The following PKHD1 variants were observed in gnomAD, a reference collection of about 807,000 sequenced individuals.
The protein encoded by PKHD1 is fibrocystin.
In PKHD1, 291 loss-of-function variants were observed where a neutral mutation model predicts 412.0. The observed-to-expected ratio is 0.71, with a 90% CI of 0.64 to 0.78. The LOEUF is 0.78. Among genes scored for constraint, PKHD1 ranks in the 30% least tolerant of loss-of-function variants. The probability of loss-of-function intolerance (pLI) is 0.00; values close to 1 mark genes in which losing one functional copy is unlikely to be tolerated. For synonymous variants in PKHD1, 1,777 were observed against 1,821.5 expected (o/e 0.98, Z 0.62); for missense variants, 4,825 against 4,950.7 (o/e 0.97, Z 0.76).
In PKHD1 at chr6:51,638,953, C is replaced by T; in HGVS notation, c.11402G>A (p.Cys3801Tyr). 6.2e-7 allele frequency: 1 copy of T among 1,610,578 alleles called. No individual in the cohort carries two copies. Among genetic ancestry groups the T allele is most frequent in the Non-Finnish European group, 8.5e-7 (1 of 1,176,840 alleles). ...ACCATCTTGAGTTTCTGCCTGGGTG[C>T]ACCCTACAAAAAAGTACAAAACAAA... is the stretch of plus-strand genomic sequence containing the variant. ...EGASDSVLKG[C>Y]TQAETQDGYV... The change falls in exon 64 of 67, where the codon TGC becomes TAC. Residue 3801 changes from cysteine (C) to tyrosine (Y), a missense_variant. Cys to Tyr is a radical substitution (Grantham distance 194). Coordinates refer to ENST00000371117, the MANE Select transcript of PKHD1 (RefSeq NM_138694.4).
chr6:52,075,103 C>A (rs149594869), intron 6 of PKHD1, among the ~76,000 whole-genome samples: 1 of 152,230 alleles, frequency 6.6e-6, no homozygotes, highest in Non-Finnish European at 1.5e-5. Context: ...GTGATTTTCA[C>A]AGACCACATC....
At chr6:51,638,228 G>A (rs994840456) in intron 64 of PKHD1, among the ~76,000 whole-genome samples, 8 of 152,044 alleles carry the variant, frequency 5.3e-5, no homozygotes, top group African/African-American at 9.7e-5. Context: ...CTGGCTATAC[G>A]ATCACTATCT....
rs1238606670 is a variant in PKHD1 at position 51,831,126 on chromosome 6, T to C, written c.8174-137A>G. 7.4e-6 allele frequency: 5 copies of C among 679,476 alleles called. No individual in the cohort carries two copies. The African/African-American group carries it at 9.1e-5, about 12-fold the overall frequency. 42.1% of individuals were successfully genotyped at this position (679,476 alleles called of 1,614,324 possible). A position where few individuals can be genotyped will look rare whatever the true frequency, so the allele number is the denominator to read the frequency against. On this transcript the variant is annotated intron_variant, in intron 51 of 66. Transcript: ENST00000371117. ...AATATTTTATAAGTTTCTGTACAAATATTTATCAGTTAAAAAGCAAGTAAT... is the reference window on the plus strand; with the variant it reads ...AATATTTTATAAGTTTCTGTACAAACATTTATCAGTTAAAAAGCAAGTAAT...
intron 45 of PKHD1, among the ~76,000 whole-genome samples, 155 bp downstream of exon 45, chr6:51,885,712 T>C (rs986384178): frequency 2.0e-5 from 3 of 152,224 alleles, no homozygotes; most frequent in African/African-American, 7.2e-5. Context: ...CTATGATCCA[T>C]TGGTGCTTTA....
At chr6:51,762,286 G>T (rs1006789897) in intron 55 of PKHD1, among the ~76,000 whole-genome samples, 23 of 152,036 alleles carry the variant, frequency 1.5e-4, no homozygotes, top group African/African-American at 5.3e-4. Context: ...CATAAGATTG[G>T]TTGACAAAGT....
intron 52 of PKHD1, among the ~76,000 whole-genome samples, chr6:51,806,616 C>G (rs1280681500): frequency 6.6e-6 from 1 of 152,078 alleles, no homozygotes; most frequent in Admixed American, 6.6e-5. Flanking sequence ...CCATCAATAG[C>G]TTCACAACTA....
intron 60 of PKHD1, among the ~76,000 whole-genome samples, chr6:51,681,782 G>T (rs1776699625): frequency 6.6e-6 from 1 of 152,036 alleles, no homozygotes. Context: ...AATTTTATTG[G>T]AACACAGCTA....
At chr6:52,022,767 C>T (rs1801584632) in intron 33 of PKHD1, 34 bp downstream of exon 33, 2 of 1,602,226 alleles carry the variant, frequency 1.2e-6, no homozygotes, top group Non-Finnish European at 1.7e-6. Context: ...CATATATATG[C>T]TTTAAAATAT....
intron 30 of PKHD1, 54 bp downstream of exon 30, chr6:52,028,102 G>T: frequency 6.5e-7 from 1 of 1,529,126 alleles, no homozygotes; most frequent in Non-Finnish European, 9.1e-7. Flanking sequence ...GAATTACCTA[G>T]CTGAATGCTA....
At chr6:51,626,929 G>A in intron 66 of PKHD1, 68 bp downstream of exon 66, 1 of 1,550,978 alleles carries the variant, frequency 6.4e-7, no homozygotes, top group Non-Finnish European at 8.9e-7. Context: ...AGAGCTGAAG[G>A]AGAGGGAGGC....
At chr6:52,040,362 T>C (rs1279628112) in intron 27 of PKHD1, among the ~76,000 whole-genome samples, 14 of 152,150 alleles carry the variant, frequency 9.2e-5, no homozygotes, top group Admixed American at 9.2e-4. Flanking sequence ...CAAGCCAACA[T>C]TATCTCTCCC....
intron 55 of PKHD1, among the ~76,000 whole-genome samples, chr6:51,755,543 CA>C (rs1440368629): frequency 1.3e-5 from 2 of 152,138 alleles, no homozygotes; most frequent in Non-Finnish European, 2.9e-5. Flanking sequence ...CATTATGAAA[CA>C]ATGAGGGTTG....
intron 43 of PKHD1, among the ~76,000 whole-genome samples, chr6:51,887,552 C>G (rs965276378): frequency 5.3e-5 from 8 of 152,106 alleles, no homozygotes; most frequent in African/African-American, 1.4e-4. Context: ...CACTGTCCCC[C>G]CTTAGTACTG....
intron 27 of PKHD1, among the ~76,000 whole-genome samples, chr6:52,041,434 G>A (rs1241974150): frequency 6.6e-6 from 1 of 152,182 alleles, no homozygotes; most frequent in Non-Finnish European, 1.5e-5. Context: ...TAAGGACCAA[G>A]GTCTTCAGCA....
At position 51,626,985 on chromosome 6, in the gene PKHD1, C is replaced by A. The variant is rs765276502; in HGVS notation, c.11785+12G>T. The A allele has an allele frequency of 6.2e-7, 1 of 1,613,128 alleles. No homozygotes were observed. The highest frequency in any genetic ancestry group is 1.7e-5 in the Admixed American group (1 of 59,962). On this transcript the variant is annotated intron_variant, in intron 66 of 66. Transcript: ENST00000371117. The stretch of plus-strand genomic sequence containing the variant: ...CTCTCCTGTGGGGATCATCTCCACC[C>A]TCCAAGCTTACCTTCTCCCACCACA...
chr6:51,886,319 T>C (rs573507637), intron 44 of PKHD1, among the ~76,000 whole-genome samples: 1 of 152,356 alleles, frequency 6.6e-6, no homozygotes, highest in African/African-American at 2.4e-5. Flanking sequence ...TCTCTTCTCT[T>C]TACCATCGAA....
chr6:51,855,079 G>C (rs1327897162), intron 49 of PKHD1, among the ~76,000 whole-genome samples: 1 of 152,200 alleles, frequency 6.6e-6, no homozygotes. Flanking sequence ...CCGACCCATG[G>C]GTTGCACAAT....
At chr6:51,770,277 G>A (rs986882988) in intron 55 of PKHD1, among the ~76,000 whole-genome samples, 36 of 151,642 alleles carry the variant, frequency 2.4e-4, no homozygotes, top group Admixed American at 1.6e-3. Flanking sequence ...GACTGTTAGT[G>A]TTTTGCTATG....
chr6:51,939,368 ACT>A (rs1788101500), intron 36 of PKHD1, among the ~76,000 whole-genome samples: 1 of 148,600 alleles, frequency 6.7e-6, no homozygotes, highest in African/African-American at 2.5e-5. Flanking sequence ...CCGTGTCTCT[ACT>A]CTCTCTTTTC....
Sources: gnomAD v4.1 joint callset for allele counts (sites outside exome capture counted in the v4.1 genomes callset) on GRCh38, gnomAD v4.1.1 for gene constraint, MANE v1.5 for transcripts, NCBI Gene and HGNC (gene_info 2026-07-23, HGNC 2026-07-21) for gene names.